TBC1D1: variants seen among roughly 807,000 people sequenced by gnomAD.
TBC1D1 encodes the protein TBC1 domain family member 1, also known as TBC1 (tre-2/USP6, BUB2, cdc16) domain family, member 1.
In TBC1D1, 89 loss-of-function variants were observed where a neutral mutation model predicts 125.6. The observed-to-expected ratio is 0.71, with a 90% CI of 0.60 to 0.85. The LOEUF is 0.85. Among genes scored for constraint, TBC1D1 ranks in the 40% least tolerant of loss-of-function variants. The pLI is 0.00. For synonymous variants in TBC1D1, 565 were observed against 564.1 expected (o/e 1.00, Z -0.02); for missense variants, 1,377 against 1,469.2 (o/e 0.94, Z 1.03).
chr4:38,112,190 C>A, intron 15 of TBC1D1: 1 of 584,834 alleles, frequency 1.7e-6, no homozygotes, highest in Non-Finnish European at 2.2e-6. Context: ...TGGAATTCAG[C>A]TTTCAGTTCT....
At chr4:37,950,564 G>C (rs6827874) in intron 2 of TBC1D1, among the ~76,000 whole-genome samples, 5 of 144,890 alleles carry the variant, frequency 3.5e-5, no homozygotes, top group African/African-American at 1.0e-4. Context: ...ATAGCCACCT[G>C]CCCCCTCCCC....
intron 2 of TBC1D1, among the ~76,000 whole-genome samples, chr4:37,928,292 C>A (rs1200647416): frequency 6.6e-6 from 1 of 152,232 alleles, no homozygotes; most frequent in Non-Finnish European, 1.5e-5. Context: ...GGTATTACTT[C>A]TTCAATGCTT....
At chr4:37,947,366 A>G (rs1386517038) in intron 2 of TBC1D1, among the ~76,000 whole-genome samples, 2 of 152,184 alleles carry the variant, frequency 1.3e-5, no homozygotes, top group Non-Finnish European at 1.5e-5. Context: ...TATGTTGGCC[A>G]GGCTGATCTC....
chr4:38,078,688 A>C (rs1034189219), intron 12 of TBC1D1, among the ~76,000 whole-genome samples: 1 of 152,200 alleles, frequency 6.6e-6, no homozygotes, highest in Non-Finnish European at 1.5e-5. Flanking sequence ...GGCTCTCACT[A>C]GAATACACTT....
At chr4:37,957,404 G>C (rs1729146309) in intron 2 of TBC1D1, among the ~76,000 whole-genome samples, 1 of 152,130 alleles carries the variant, frequency 6.6e-6, no homozygotes, top group Non-Finnish European at 1.5e-5. Context: ...AGGATATCTT[G>C]AGCCCAGGAG....
intron 12 of TBC1D1, among the ~76,000 whole-genome samples, chr4:38,060,330 A>C (rs1234445044): frequency 6.6e-6 from 1 of 152,220 alleles, no homozygotes; most frequent in Non-Finnish European, 1.5e-5. Flanking sequence ...GAACTAATTT[A>C]CATTCTCACC....
At chr4:37,980,103 C>A (rs1159159362) in intron 2 of TBC1D1, among the ~76,000 whole-genome samples, 1 of 152,060 alleles carries the variant, frequency 6.6e-6, no homozygotes, top group Admixed American at 6.6e-5. Context: ...TTTTCTTGCA[C>A]GATGCATTAG....
chr4:38,014,588 A>G lies in TBC1D1; in HGVS notation c.497A>G (p.Asp166Gly). The change falls in exon 3 of 20, where the codon GAC becomes GGC. Residue 166 changes from aspartate (D) to glycine (G), a missense_variant. Physicochemically the swap from Asp to Gly is moderately conservative, Grantham distance 94. This residue lies in a region of TBC1D1 where 822 missense variants were observed against 824.6 expected (regional missense o/e 1.00). Transcript: ENST00000261439. This position sits in a 1 kb window ranked among gnomAD's most constrained non-coding sequence, Gnocchi z 5.1. ...GAGCTGCACTGCCCGTCCGAGTTCG[A>G]CGACACGTTTTCCAAGAAGTTCGAG... 1 of 1,613,348 alleles carries G rather than the reference A, an allele frequency of 6.2e-7. No homozygotes were observed. The highest frequency in any genetic ancestry group is 8.5e-7 in the Non-Finnish European group (1 of 1,180,016).
chr4:38,135,173 G>A (rs1022382389), intron 19 of TBC1D1, among the ~76,000 whole-genome samples: 3 of 152,160 alleles, frequency 2.0e-5, no homozygotes, highest in Admixed American at 6.5e-5. Flanking sequence ...TTCTGGGGGG[G>A]CCAAAATACC....
chr4:38,094,539 A>G (rs980756322), intron 13 of TBC1D1, among the ~76,000 whole-genome samples: 5 of 152,284 alleles, frequency 3.3e-5, no homozygotes, highest in Non-Finnish European at 4.4e-5. Flanking sequence ...TTGATAAGGC[A>G]TTTTGGAGGC....
At chr4:37,981,833 A>G (rs1271683984) in intron 2 of TBC1D1, among the ~76,000 whole-genome samples, 5 of 152,140 alleles carry the variant, frequency 3.3e-5, no homozygotes, top group Non-Finnish European at 5.9e-5. Context: ...CAGCTGATGT[A>G]TATTTCGGAT....
At chr4:38,090,437 G>GTC (rs57239189) in intron 13 of TBC1D1, among the ~76,000 whole-genome samples, 16,656 of 151,136 alleles carry the variant, frequency 0.11, 1,033 homozygotes, top group Non-Finnish European at 0.14. Context: ...TTTCCCCTCT[G>GTC]TCTCTCTCTC....
chr4:38,090,007 C>G lies in TBC1D1; in HGVS notation c.2126C>G (p.Pro709Arg), dbSNP rs1415287084. 7.4e-6 allele frequency: 12 copies of G among 1,614,000 alleles called. No individual in the cohort carries two copies. Among genetic ancestry groups the G allele is most frequent in the Middle Eastern group, 1.6e-4 (1 of 6,082 alleles). ...TGTGAAGATGGGCCCTTTGGCCCCCCACCAGAGGAAAAGAAAAGGACATCT... is the reference window on the plus strand; with the variant it reads ...TGTGAAGATGGGCCCTTTGGCCCCCGACCAGAGGAAAAGAAAAGGACATCT... The change falls in exon 13 of 20, where the codon CCA (proline) becomes CGA (arginine). Residue 709 changes from proline (P) to arginine (R), a missense_variant. Pro to Arg is a moderately radical substitution (Grantham distance 103). Transcript: ENST00000261439.
chr4:37,935,013 C>A (rs1225183486), intron 2 of TBC1D1, among the ~76,000 whole-genome samples: 2 of 152,084 alleles, frequency 1.3e-5, no homozygotes, highest in Non-Finnish European at 2.9e-5. Flanking sequence ...CCGTGGAGAA[C>A]CTTGAGCTGG....
intron 11 of TBC1D1, 33 bp from the exon 12 acceptor site, chr4:38,051,866 A>G: frequency 4.0e-6 from 6 of 1,489,720 alleles, no homozygotes; most frequent in South Asian, 1.2e-5. Context: ...CTCTCCTGCT[A>G]ACCCCCCCGT....
At chr4:38,069,084 T>C (rs1251156113) in intron 12 of TBC1D1, among the ~76,000 whole-genome samples, 1 of 152,228 alleles carries the variant, frequency 6.6e-6, no homozygotes, top group African/African-American at 2.4e-5. Context: ...AAGTGGGGAC[T>C]GTCATGTATC....
chr4:38,132,185 G>GA (rs1376235257), intron 18 of TBC1D1, among the ~76,000 whole-genome samples: 2 of 144,348 alleles, frequency 1.4e-5, no homozygotes, highest in African/African-American at 2.5e-5. Context: ...ATCTAGCAGG[G>GA]TTTTTTTTTT....
intron 12 of TBC1D1, among the ~76,000 whole-genome samples, chr4:38,071,483 C>T (rs1324868983): frequency 6.6e-6 from 1 of 152,228 alleles, no homozygotes; most frequent in Non-Finnish European, 1.5e-5. Flanking sequence ...TCCCATTACT[C>T]ATCCTATACA....
chr4:37,978,794 T>C (rs1045062560), intron 2 of TBC1D1, among the ~76,000 whole-genome samples: 11 of 152,266 alleles, frequency 7.2e-5, no homozygotes, highest in Admixed American at 2.6e-4. Context: ...TTGTTAGCCT[T>C]CTCCGAGTGT....
Sources: gnomAD v4.1 joint callset for allele counts (sites outside exome capture counted in the v4.1 genomes callset) on GRCh38, gnomAD v4.1.1 for gene constraint, gnomAD v4.1.1 regional missense constraint, Gnocchi (gnomAD v3.1) non-coding constraint, MANE v1.5 for transcripts, NCBI Gene and HGNC (gene_info 2026-07-23, HGNC 2026-07-21) for gene names.